The following GRIN2B variants were observed in gnomAD, a reference collection of about 807,000 sequenced individuals.
The protein encoded by GRIN2B is glutamate ionotropic receptor NMDA type subunit 2B.
A neutral mutation model predicts 114.5 loss-of-function variants in GRIN2B; 5 were observed. That is an observed-to-expected ratio of 0.04 (90% CI 0.02 to 0.09). GRIN2B has a LOEUF of 0.09. Ranked by LOEUF, GRIN2B falls within the 10% of genes least tolerant of loss-of-function variation. GRIN2B has a pLI of 1.00. For missense variants in GRIN2B, 1,108 were observed against 1,943.5 expected (o/e 0.57, Z 8.08); for synonymous variants, 787 against 745.1 (o/e 1.06, Z -0.92).
At chr12:13,980,755 C>G (rs946087239) in intron 1 of GRIN2B, among the ~76,000 whole-genome samples, 1 of 152,236 alleles carries the variant, frequency 6.6e-6, no homozygotes, top group African/African-American at 2.4e-5. Flanking sequence ...CCAGCCCCAT[C>G]TGCATTGCTG....
At chr12:13,736,547 T>G (rs1235179730) in intron 4 of GRIN2B, among the ~76,000 whole-genome samples, 1 of 152,172 alleles carries the variant, frequency 6.6e-6, no homozygotes, top group Non-Finnish European at 1.5e-5. Context: ...GAACTCAGTA[T>G]TGCTTTGTGT....
chr12:13,607,297 AAT>A (rs1949274903), intron 10 of GRIN2B, among the ~76,000 whole-genome samples: 1 of 66,510 alleles, frequency 1.5e-5, no homozygotes, highest in Non-Finnish European at 2.6e-5. Context: ...ATTATATAAA[AAT>A]ATATATTATA....
At chr12:13,781,906 CT>C (rs1373873994) in intron 3 of GRIN2B, among the ~76,000 whole-genome samples, 2 of 152,132 alleles carry the variant, frequency 1.3e-5, no homozygotes, top group Non-Finnish European at 2.9e-5. Flanking sequence ...TTCTAAGACT[CT>C]TAATATGGTA....
rs189440721 is a variant in GRIN2B, at chr12:13,919,543, T to C, written c.-18-53317A>G. ...TCCAGGTAGAGACAATATGGCTTTT[T>C]GTTTTTTTCTTAAGGGCTTAATAAT... is the stretch of plus-strand genomic sequence containing the variant. On this transcript the variant is annotated intron_variant, in intron 2 of 13. Transcript: ENST00000609686. 2.0e-4 allele frequency among the ~76,000 whole-genome samples: 30 copies of C among 152,342 alleles called. No individual in the cohort carries two copies. In the East Asian group the frequency reaches 5.6e-3, roughly 28 times the overall value.
intron 3 of GRIN2B, among the ~76,000 whole-genome samples, chr12:13,829,433 G>C (rs1206948373): frequency 6.6e-6 from 1 of 152,088 alleles, no homozygotes; most frequent in African/African-American, 2.4e-5. Flanking sequence ...CATAGAGATA[G>C]GCTTGTGACC....
At chr12:13,846,411 T>C (rs750102241) in intron 3 of GRIN2B, among the ~76,000 whole-genome samples, 4 of 152,240 alleles carry the variant, frequency 2.6e-5, no homozygotes, top group Non-Finnish European at 5.9e-5. Flanking sequence ...TTCCATTTTA[T>C]ATAATCCTAG....
rs181100176 is a variant in GRIN2B at position 13,737,413 on chromosome 12, G to A, written c.1010+15904C>T. Reference sequence around the variant, plus strand: ...TTTTTAGTAGAGACAGGGTTTCACTGTGTTAGCCAGGATGGCCTCAATCTC... The same window carrying A: ...TTTTTAGTAGAGACAGGGTTTCACTATGTTAGCCAGGATGGCCTCAATCTC... On this transcript the variant is annotated intron_variant, in intron 4 of 13. Coordinates refer to ENST00000609686, the MANE Select transcript of GRIN2B (RefSeq NM_000834.5). Among the ~76,000 whole-genome samples, 1,319 of 152,064 alleles carry A rather than the reference G, an allele frequency of 8.7e-3. 63 individuals carry two copies. Among genetic ancestry groups the A allele is most frequent in the Admixed American group, 0.081 (1,234 of 15,266 alleles).
chr12:13,621,804 G>A (rs1055895924), intron 5 of GRIN2B, among the ~76,000 whole-genome samples: 1 of 151,810 alleles, frequency 6.6e-6, no homozygotes, highest in African/African-American at 2.4e-5. Flanking sequence ...AAATTCTAGG[G>A]AACTAATCTG....
At chr12:13,771,036 G>A (rs960567116) in intron 3 of GRIN2B, among the ~76,000 whole-genome samples, 2 of 152,178 alleles carry the variant, frequency 1.3e-5, no homozygotes, top group Non-Finnish European at 2.9e-5. Context: ...ATCTCATCTT[G>A]AATTGTAGCT....
intron 4 of GRIN2B, among the ~76,000 whole-genome samples, chr12:13,721,510 TAAG>T (rs1231411890): frequency 6.6e-6 from 1 of 151,962 alleles, no homozygotes; most frequent in East Asian, 1.9e-4. Flanking sequence ...GATATCGGTG[TAAG>T]AAAAATAAGT....
At chr12:13,586,796 C>G (rs1026347271) in intron 10 of GRIN2B, among the ~76,000 whole-genome samples, 5 of 152,162 alleles carry the variant, frequency 3.3e-5, no homozygotes, top group African/African-American at 1.2e-4. Flanking sequence ...TCTTCCTTCC[C>G]CCTCAACCAT....
chr12:13,964,830 C>T (rs976074247), intron 2 of GRIN2B, among the ~76,000 whole-genome samples: 1 of 152,222 alleles, frequency 6.6e-6, no homozygotes, highest in African/African-American at 2.4e-5. Flanking sequence ...TTTGTGACGG[C>T]AGCGGTGCAA....
chr12:13,630,547 C>T (rs757891103), intron 5 of GRIN2B, among the ~76,000 whole-genome samples: 12 of 152,108 alleles, frequency 7.9e-5, no homozygotes, highest in Non-Finnish European at 1.2e-4. Flanking sequence ...ATGTTGCTGA[C>T]AATGCTGAAA....
intron 3 of GRIN2B, among the ~76,000 whole-genome samples, chr12:13,859,025 T>C (rs567063183): frequency 6.6e-6 from 1 of 152,248 alleles, no homozygotes; most frequent in Non-Finnish European, 1.5e-5. Context: ...GAATGCAAGA[T>C]GGCATATACT....
chr12:13,877,106 T>G (rs898403933), intron 2 of GRIN2B, among the ~76,000 whole-genome samples: 1 of 152,202 alleles, frequency 6.6e-6, no homozygotes, highest in African/African-American at 2.4e-5. Context: ...GATGTATATT[T>G]GTATGTGTAA....
intron 4 of GRIN2B, among the ~76,000 whole-genome samples, chr12:13,705,166 A>G (rs1950348785): frequency 6.6e-6 from 1 of 152,088 alleles, no homozygotes; most frequent in Admixed American, 6.6e-5. Context: ...GTATTTAACA[A>G]AAGTTGAATT....
At chr12:13,761,226 T>C (rs1863674974) in intron 3 of GRIN2B, among the ~76,000 whole-genome samples, 1 of 152,234 alleles carries the variant, frequency 6.6e-6, no homozygotes, top group Non-Finnish European at 1.5e-5. Context: ...AAGCCAGCAT[T>C]CTTTTTATTA....
chr12:13,750,231 C>T lies in GRIN2B; in HGVS notation c.1010+3086G>A, dbSNP rs192322042. Among the ~76,000 whole-genome samples, 270 of 152,262 alleles carry T rather than the reference C, an allele frequency of 1.8e-3. 1 individual carries two copies. Among genetic ancestry groups the T allele is most frequent in the Non-Finnish European group, 2.5e-3 (170 of 68,028 alleles). ...TGTAGGACTGCTACACTGGAAAAGA[C>T]GGATGTGGGCCTCTAGGACTGAGTA... On this transcript the variant is annotated intron_variant, in intron 4 of 13. Coordinates refer to ENST00000609686, the MANE Select transcript of GRIN2B (RefSeq NM_000834.5).
At chr12:13,860,545 G>C (rs1007278365) in intron 3 of GRIN2B, among the ~76,000 whole-genome samples, 1 of 152,048 alleles carries the variant, frequency 6.6e-6, no homozygotes, top group Admixed American at 6.6e-5. Context: ...GAATGGTCTC[G>C]AACTCCTTAC....
Sources: gnomAD v4.1 joint callset for allele counts (sites outside exome capture counted in the v4.1 genomes callset) on GRCh38, gnomAD v4.1.1 for gene constraint, MANE v1.5 for transcripts, NCBI Gene and HGNC (gene_info 2026-07-23, HGNC 2026-07-21) for gene names.